Variants in NUGGC observed in about 807,000 individuals in gnomAD.
The protein encoded by NUGGC is nuclear GTPase SLIP-GC.
NUGGC carries 58 observed loss-of-function variants against 92.6 expected under a neutral mutation model. That is an observed-to-expected ratio of 0.63 (90% CI 0.51 to 0.78). The LOEUF (loss-of-function observed/expected upper bound fraction) is 0.78, where lower values mean the gene tolerates loss of function less well. Among genes scored for constraint, NUGGC ranks in the 30% least tolerant of loss-of-function variants. The pLI is 0.00. For synonymous variants in NUGGC, 376 were observed against 366.4 expected (o/e 1.03, Z -0.30); for missense variants, 925 against 964.6 (o/e 0.96, Z 0.54).
chr8:28,073,178 C>CT (rs34656742), intron 2 of NUGGC, among the ~76,000 whole-genome samples: 98,305 of 132,810 alleles, frequency 0.74, 36,792 homozygotes, highest in African/African-American at 0.87. Context: ...ATTTTTTTTT[C>CT]TTTTTTTTTT....
intron 5 of NUGGC, 40 bp downstream of exon 5, chr8:28,068,176 G>A (rs1284361166): frequency 8.0e-7 from 1 of 1,243,182 alleles, no homozygotes; most frequent in African/African-American, 1.5e-5. Context: ...GAAGGAAAAA[G>A]GAAGGAAGGG....
intron 14 of NUGGC, among the ~76,000 whole-genome samples, chr8:28,032,723 GAAAA>G (rs61015850): frequency 1.1e-5 from 1 of 87,812 alleles, no homozygotes. Flanking sequence ...TCCATCTCAA[GAAAA>G]AAAAAAAAAA....
chr8:28,056,092 G>A (rs747966236), intron 9 of NUGGC, 38 bp from the exon 10 acceptor site: 5 of 1,225,262 alleles, frequency 4.1e-6, no homozygotes, highest in South Asian at 4.0e-5. Flanking sequence ...GCAGAGAGTA[G>A]CGTTATCAAC....
chr8:28,079,663 T>C (rs1273333700), intron 1 of NUGGC, among the ~76,000 whole-genome samples: 1 of 152,200 alleles, frequency 6.6e-6, no homozygotes, highest in Non-Finnish European at 1.5e-5. Flanking sequence ...TTTTCCTGAC[T>C]CCAAGTTCAA....
At chr8:28,081,954 A>G (rs140678713) in intron 1 of NUGGC, among the ~76,000 whole-genome samples, 1 of 152,126 alleles carries the variant, frequency 6.6e-6, no homozygotes, top group Admixed American at 6.5e-5. Context: ...GAAAGAAGGA[A>G]GAGGAGGAGA....
At chr8:28,057,575 G>A (rs527457254) in intron 9 of NUGGC, among the ~76,000 whole-genome samples, 4 of 152,000 alleles carry the variant, frequency 2.6e-5, no homozygotes, top group African/African-American at 9.6e-5. Flanking sequence ...TCCTGACCTC[G>A]TGATCCGCCC....
intron 13 of NUGGC, among the ~76,000 whole-genome samples, chr8:28,034,239 G>A (rs1269141838): frequency 1.4e-4 from 21 of 152,134 alleles, no homozygotes; most frequent in African/African-American, 4.8e-4. Flanking sequence ...ATGTCTTGGC[G>A]ATGTTTTTTT....
At chr8:28,046,392 T>C (rs1347801465) in intron 11 of NUGGC, among the ~76,000 whole-genome samples, 2 of 152,178 alleles carry the variant, frequency 1.3e-5, no homozygotes, top group Admixed American at 1.3e-4. Context: ...GAGAATGCAG[T>C]CCTGACCCTG....
chr8:28,064,455 C>A, intron 7 of NUGGC, 67 bp downstream of exon 7: 1 of 1,320,036 alleles, frequency 7.6e-7, no homozygotes, highest in Non-Finnish European at 1.1e-6. Context: ...CCAGAGCATT[C>A]TTTGTTGCTT....
At chr8:28,044,701 TGACTTA>T (rs1809783687) in intron 12 of NUGGC, among the ~76,000 whole-genome samples, 1 of 152,240 alleles carries the variant, frequency 6.6e-6, no homozygotes, top group South Asian at 2.1e-4. Context: ...TCCTGAAGTC[TGACTTA>T]CAGACAGAAG....
chr8:28,063,434 C>T (rs897053896), intron 7 of NUGGC, among the ~76,000 whole-genome samples: 3 of 152,316 alleles, frequency 2.0e-5, no homozygotes, highest in East Asian at 1.9e-4. Flanking sequence ...CCAAGATTCG[C>T]GATTTCCACC....
At chr8:28,045,440 A>G in intron 12 of NUGGC, 87 bp downstream of exon 12, 1 of 1,318,298 alleles carries the variant, frequency 7.6e-7, no homozygotes, top group Non-Finnish European at 1.0e-6. Context: ...GAAAAGAAAA[A>G]ATATCATAAG....
rs1005363889 is a variant in NUGGC at position 28,037,161 on chromosome 8, C to G, written c.1612-3464G>C. On this transcript the variant is annotated intron_variant, in intron 13 of 18. Transcript: ENST00000413272. ...CCCTCAGACCTCAGTTAGACCCTGA[C>G]ACCTCCTAACCAGGCTCTCTGCGTC... 4.9e-4 allele frequency among the ~76,000 whole-genome samples: 74 copies of G among 152,216 alleles called. 1 individual carries two copies. The highest frequency in any genetic ancestry group is 1.5e-4 in the Non-Finnish European group (10 of 68,046).
intron 1 of NUGGC, among the ~76,000 whole-genome samples, chr8:28,079,347 CT>C (rs1469133775): frequency 1.2e-4 from 18 of 152,112 alleles, no homozygotes; most frequent in African/African-American, 3.4e-4. Flanking sequence ...TGAGACCAGC[CT>C]GACCAGCATG....
intron 13 of NUGGC, among the ~76,000 whole-genome samples, chr8:28,034,254 G>T (rs183762602): frequency 5.0e-4 from 76 of 152,098 alleles, no homozygotes; most frequent in African/African-American, 1.7e-3. Flanking sequence ...TTTTTTCCCA[G>T]GGAAATAAAT....
Position 28,058,664 on chromosome 8 carries a change from C to T in NUGGC, c.1098-388G>A, listed in dbSNP as rs146167206. Among the ~76,000 whole-genome samples the T allele has an allele frequency of 7.6e-3, 1,152 of 152,110 alleles. 7 individuals are homozygous for T. Among genetic ancestry groups the T allele is most frequent in the Non-Finnish European group, 9.5e-3 (648 of 67,984 alleles). Reference sequence around the variant, plus strand: ...TGAATCCACAGCCCCTACCTATGTTCAATAAATGCTTATCATTAATAAATT... The same window carrying T: ...TGAATCCACAGCCCCTACCTATGTTTAATAAATGCTTATCATTAATAAATT... On this transcript the variant is annotated intron_variant, in intron 8 of 18. Transcript: ENST00000413272.
In NUGGC at chr8:28,074,437, C is replaced by G; in HGVS notation, c.-27G>C. The G allele has an allele frequency of 6.2e-7, 1 of 1,612,946 alleles. No individual in the cohort carries two copies. Among genetic ancestry groups the G allele is most frequent in the Non-Finnish European group, 8.5e-7 (1 of 1,179,284 alleles). ...CCTTGTTACGTGAACTCCTGCTCTT[C>G]TCAGTTCAGGAGAACCAGCCTGTGA... On this transcript the variant is annotated 5_prime_UTR_variant, in exon 2 of 19. Coordinates refer to ENST00000413272, the MANE Select transcript of NUGGC (RefSeq NM_001010906.2).
chr8:28,023,743 G>A (rs1172307551), intron 18 of NUGGC, among the ~76,000 whole-genome samples: 1 of 152,152 alleles, frequency 6.6e-6, no homozygotes, highest in Non-Finnish European at 1.5e-5. Context: ...AAAGCATGTT[G>A]CACAATAACA....
At chr8:28,037,410 C>T (rs1809582596) in intron 13 of NUGGC, among the ~76,000 whole-genome samples, 2 of 152,186 alleles carry the variant, frequency 1.3e-5, no homozygotes, top group Admixed American at 1.3e-4. Context: ...AATGCCTTCC[C>T]TGCCCCTCCA....
Sources: allele counts gnomAD v4.1 joint callset (sites outside exome capture counted in the v4.1 genomes callset), GRCh38; gene constraint gnomAD v4.1.1; transcripts MANE v1.5; gene names NCBI Gene and HGNC (gene_info 2026-07-23, HGNC 2026-07-21).